Variants in SYT1 observed in about 807,000 individuals in gnomAD.
The protein encoded by SYT1 is synaptotagmin 1, also known as synaptotagmin-1.
A neutral mutation model predicts 44.8 loss-of-function variants in SYT1; 8 were observed. That is an observed-to-expected ratio of 0.18 (90% CI 0.10 to 0.32). The LOEUF (loss-of-function observed/expected upper bound fraction) is 0.32, where lower values mean the gene tolerates loss of function less well. SYT1 is among the 10% of genes least tolerant of loss of function. The pLI, the probability that SYT1 is intolerant of heterozygous loss-of-function variation, is 1.00. For missense variants in SYT1, 286 were observed against 509.3 expected, an observed-to-expected ratio of 0.56 and a Z score of 4.22; for synonymous variants, 154 against 188.8, an observed-to-expected ratio of 0.82 and a Z score of 1.51.
At chr12:79,054,926 T>A (rs1874819195) in intron 3 of SYT1, among the ~76,000 whole-genome samples, 1 of 151,964 alleles carries the variant, frequency 6.6e-6, no homozygotes, top group African/African-American at 2.4e-5. Flanking sequence ...ACAATCATTA[T>A]TATTCATGAT....
At chr12:79,330,911 C>T (rs1179632860) in intron 8 of SYT1, among the ~76,000 whole-genome samples, 2 of 152,112 alleles carry the variant, frequency 1.3e-5, no homozygotes, top group African/African-American at 4.8e-5. Context: ...AATTATGGCA[C>T]TCACTGTCTC....
intron 8 of SYT1, among the ~76,000 whole-genome samples, chr12:79,300,751 G>A (rs566376533): frequency 1.4e-5 from 2 of 139,082 alleles, no homozygotes; most frequent in South Asian, 4.6e-4. Flanking sequence ...AGAGAGCAGA[G>A]CTTAAGTATT....
intron 1 of SYT1, among the ~76,000 whole-genome samples, chr12:78,971,214 C>T (rs1323487320): frequency 6.6e-6 from 1 of 152,150 alleles, no homozygotes; most frequent in Non-Finnish European, 1.5e-5. Flanking sequence ...TAATTACTTT[C>T]AGCAAATCTC....
intron 2 of SYT1, among the ~76,000 whole-genome samples, chr12:79,022,249 T>TA (rs1872241346): frequency 6.6e-6 from 1 of 151,772 alleles, no homozygotes; most frequent in African/African-American, 2.4e-5. Context: ...TTAGATAGGG[T>TA]AAATAATTCA....
Position 78,865,104 on chromosome 12 carries a change from C to T in SYT1, c.-222C>T, listed in dbSNP as rs1873462646. On this transcript the variant is annotated 5_prime_UTR_variant, in exon 1 of 11. Transcript: ENST00000261205. ...ACCCGGCACCACCTCCCGGTCCGCC[C>T]TCCAGGTAAGGAAGCGGGACTGGCG... 6.6e-6 allele frequency: 1 copy of T among 152,298 alleles called. No homozygotes were observed. The highest frequency in any genetic ancestry group is 1.5e-5 in the Non-Finnish European group (1 of 68,140). 9.4% of individuals were successfully genotyped at this position (152,298 alleles called of 1,614,324 possible). A position where few individuals can be genotyped will look rare whatever the true frequency, so the allele number is the denominator to read the frequency against.
At chr12:79,319,991 G>A (rs992068254) in intron 8 of SYT1, among the ~76,000 whole-genome samples, 1 of 152,144 alleles carries the variant, frequency 6.6e-6, no homozygotes, top group Non-Finnish European at 1.5e-5. Context: ...TTAATTAGGG[G>A]TACTTGAATA....
chr12:79,135,077 CA>C (rs2138192428), intron 3 of SYT1, among the ~76,000 whole-genome samples: 1 of 152,042 alleles, frequency 6.6e-6, no homozygotes, highest in East Asian at 1.9e-4. Flanking sequence ...ACTAAAATAT[CA>C]TGTTGTACAC....
chr12:79,043,915 G>T (rs562340847), intron 2 of SYT1, among the ~76,000 whole-genome samples: 1 of 152,244 alleles, frequency 6.6e-6, no homozygotes, highest in African/African-American at 2.4e-5. Flanking sequence ...TGAAATTCTG[G>T]GTCGAAAATT....
At chr12:79,394,797 T>C (rs1297290180) in intron 9 of SYT1, among the ~76,000 whole-genome samples, 1 of 152,204 alleles carries the variant, frequency 6.6e-6, no homozygotes, top group African/African-American at 2.4e-5. Context: ...ACTCAAATGC[T>C]AAAACATCTG....
chr12:78,904,082 C>A (rs1026410397), intron 1 of SYT1, among the ~76,000 whole-genome samples: 4 of 151,838 alleles, frequency 2.6e-5, no homozygotes, highest in African/African-American at 7.2e-5. Context: ...TTATTAGAAT[C>A]CCCGGTAACC....
chr12:79,085,177 A>G (rs1424649625), intron 3 of SYT1, among the ~76,000 whole-genome samples: 2 of 152,178 alleles, frequency 1.3e-5, no homozygotes, highest in African/African-American at 2.4e-5. Flanking sequence ...CTCTGAATTT[A>G]TATGCTAATG....
chr12:79,297,257 A>G (rs1879920390), intron 7 of SYT1, among the ~76,000 whole-genome samples: 1 of 152,184 alleles, frequency 6.6e-6, no homozygotes, highest in African/African-American at 2.4e-5. Flanking sequence ...TCTGTACCTA[A>G]GCAGTGAATT....
At chr12:79,090,233 T>A (rs1444904262) in intron 3 of SYT1, among the ~76,000 whole-genome samples, 4 of 152,064 alleles carry the variant, frequency 2.6e-5, no homozygotes, top group Non-Finnish European at 5.9e-5. Context: ...TTTTAAGATG[T>A]GGAGAATAGA....
intron 3 of SYT1, among the ~76,000 whole-genome samples, chr12:79,050,861 C>G (rs1874425687): frequency 6.6e-6 from 1 of 151,870 alleles, no homozygotes; most frequent in Admixed American, 6.6e-5. Context: ...GTAATAAAGT[C>G]CTGCAATAAA....
At chr12:78,919,306 A>G (rs1442668553) in intron 1 of SYT1, among the ~76,000 whole-genome samples, 1 of 152,070 alleles carries the variant, frequency 6.6e-6, no homozygotes, top group African/African-American at 2.4e-5. Context: ...AAGAACTCCT[A>G]GAATCTGCTG....
chr12:78,972,118 G>T (rs1329563104), intron 1 of SYT1, among the ~76,000 whole-genome samples: 1 of 151,978 alleles, frequency 6.6e-6, no homozygotes, highest in East Asian at 1.9e-4. Flanking sequence ...CAATTGAACG[G>T]TGTAGGTGAA....
intron 2 of SYT1, among the ~76,000 whole-genome samples, chr12:79,044,949 G>A (rs561643023): frequency 4.5e-4 from 68 of 152,280 alleles, no homozygotes; most frequent in African/African-American, 1.6e-3. Context: ...CGGGGGTCAG[G>A]GACACACTTG....
chr12:79,098,176 C>T lies in SYT1; in HGVS notation c.-18+50814C>T, dbSNP rs543808936. Among the ~76,000 whole-genome samples the T allele has an allele frequency of 1.2e-4, 18 of 152,074 alleles. No individual in the cohort carries two copies. In the South Asian group the frequency reaches 3.5e-3, roughly 30 times the overall value. On this transcript the variant is annotated intron_variant, in intron 3 of 10. Coordinates refer to ENST00000261205, the MANE Select transcript of SYT1 (RefSeq NM_005639.3). ...AGATGTTAACATCCACTTTTATACA[C>T]GAATCTCCCTCTGCAAAAGGCTCAA...
chr12:78,868,561 T>C (rs951618182), intron 1 of SYT1: 1 of 151,878 alleles, frequency 6.6e-6, no homozygotes, highest in Non-Finnish European at 1.5e-5. Context: ...TCAGCTAGAA[T>C]TTAAGGATAT....
Sources: gnomAD v4.1 joint callset for allele counts (sites outside exome capture counted in the v4.1 genomes callset) on GRCh38, gnomAD v4.1.1 for gene constraint, MANE v1.5 for transcripts, NCBI Gene and HGNC (gene_info 2026-07-23, HGNC 2026-07-21) for gene names.